RBFOX1: variants seen among roughly 807,000 people sequenced by gnomAD.
RBFOX1 encodes the protein RNA binding fox-1 homolog 1, also known as RNA binding protein fox-1 homolog 1.
A neutral mutation model predicts 57.7 loss-of-function variants in RBFOX1; 8 were observed. The observed-to-expected ratio is 0.14, with a 90% confidence interval of 0.08 to 0.25. The LOEUF (loss-of-function observed/expected upper bound fraction) is 0.25. Among genes scored for constraint, RBFOX1 ranks in the 10% least tolerant of loss-of-function variants. The pLI is 1.00. For synonymous variants in RBFOX1, 326 were observed against 222.4 expected (o/e 1.47, Z -4.15); for missense variants, 611 against 548.5 (o/e 1.11, Z -1.14).
rs557681641 is a variant in RBFOX1 at position 7,432,070 on chromosome 16, G to C, written c.28-86077G>C. On this transcript the variant is annotated intron_variant, in intron 4 of 15. Coordinates refer to ENST00000550418, the MANE Select transcript of RBFOX1 (RefSeq NM_018723.4). ...CAGTGGGAAGGAGGGTGTCACTTCA[G>C]CAGTGGGGGCAGATGGGTCTTCAGA... Among the ~76,000 whole-genome samples, 3 of 152,324 alleles carry C rather than the reference G, an allele frequency of 2.0e-5. No homozygotes were observed. The South Asian group carries it at 6.2e-4, about 32-fold the overall frequency.
intron 3 of RBFOX1, among the ~76,000 whole-genome samples, chr16:5,620,960 C>G (rs556036251): frequency 3.3e-5 from 5 of 152,276 alleles, no homozygotes; most frequent in African/African-American, 1.2e-4. Context: ...CCTGCCTCAG[C>G]CTCCCAAGTA....
At chr16:7,163,434 G>A (rs1276216456) in intron 4 of RBFOX1, among the ~76,000 whole-genome samples, 5 of 152,030 alleles carry the variant, frequency 3.3e-5, no homozygotes, top group Admixed American at 6.5e-5. Context: ...GTCTGGTGAC[G>A]TTTTGCTTTG....
At chr16:6,021,458 G>C (rs534716920) in intron 1 of RBFOX1, among the ~76,000 whole-genome samples, 6 of 152,178 alleles carry the variant, frequency 3.9e-5, no homozygotes, top group African/African-American at 9.7e-5. Context: ...GATCTTTTAT[G>C]TTCAGAAGCA....
At chr16:6,577,146 A>G (rs1263465916) in intron 2 of RBFOX1, 3 of 152,162 alleles carry the variant, frequency 2.0e-5, no homozygotes, top group Admixed American at 6.5e-5. Flanking sequence ...CGGAGTTGTC[A>G]TCTTCTACCT....
chr16:6,557,920 T>C (rs569861068), intron 2 of RBFOX1, among the ~76,000 whole-genome samples: 26 of 152,314 alleles, frequency 1.7e-4, no homozygotes, highest in African/African-American at 2.4e-4. Flanking sequence ...AGCGATATAC[T>C]GCTTATGGCA....
intron 11 of RBFOX1, among the ~76,000 whole-genome samples, chr16:7,647,393 G>T (rs1212303245): frequency 6.6e-6 from 1 of 152,126 alleles, no homozygotes; most frequent in Non-Finnish European, 1.5e-5. Flanking sequence ...GCTTCAGAAG[G>T]AATCTCTTCA....
chr16:7,522,608 G>A (rs1052078322), intron 5 of RBFOX1, among the ~76,000 whole-genome samples: 3 of 152,182 alleles, frequency 2.0e-5, no homozygotes, highest in Non-Finnish European at 4.4e-5. Context: ...GATTGCATCT[G>A]AGAAGCAAAG....
intron 3 of RBFOX1, among the ~76,000 whole-genome samples, chr16:7,009,186 C>G (rs1680111999): frequency 1.7e-5 from 2 of 116,432 alleles, no homozygotes; most frequent in Middle Eastern, 3.8e-3. Flanking sequence ...TGCTCTTTCT[C>G]TTTCTCTCTT....
intron 4 of RBFOX1, among the ~76,000 whole-genome samples, chr16:7,059,337 T>C (rs1341927476): frequency 6.6e-6 from 1 of 152,214 alleles, no homozygotes; most frequent in East Asian, 1.9e-4. Context: ...TTCCTGACTA[T>C]AATTTTAGGA....
intron 4 of RBFOX1, among the ~76,000 whole-genome samples, chr16:5,984,474 A>T (rs1244837023): frequency 6.6e-6 from 1 of 152,020 alleles, no homozygotes; most frequent in East Asian, 1.9e-4. Context: ...TATCCCAGTG[A>T]ACTGTCAAGT....
intron 3 of RBFOX1, among the ~76,000 whole-genome samples, chr16:5,834,783 TAGATA>T (rs2056406104): frequency 9.1e-6 from 1 of 110,010 alleles, no homozygotes; most frequent in Non-Finnish European, 1.8e-5. Context: ...AGATGATAGA[TAGATA>T]GATAGATAGA....
intron 3 of RBFOX1, among the ~76,000 whole-genome samples, chr16:5,835,229 G>C (rs1180930159): frequency 2.0e-5 from 3 of 152,314 alleles, no homozygotes; most frequent in Middle Eastern, 3.4e-3. Flanking sequence ...AGTGAGCACA[G>C]AGCAATGAGC....
At chr16:6,748,876 TTGTC>T (rs1182766840) in intron 3 of RBFOX1, 2 of 152,280 alleles carry the variant, frequency 1.3e-5, no homozygotes, top group East Asian at 3.9e-4. Context: ...GATAAGGTCT[TTGTC>T]TAAGGAAGAA....
intron 3 of RBFOX1, among the ~76,000 whole-genome samples, chr16:6,804,403 TG>T (rs1358005979): frequency 6.6e-6 from 1 of 152,162 alleles, no homozygotes; most frequent in African/African-American, 2.4e-5. Context: ...CATCTAGCCC[TG>T]CAGTATTTCA....
At chr16:7,211,631 G>A (rs1463746507) in intron 4 of RBFOX1, among the ~76,000 whole-genome samples, 1 of 152,112 alleles carries the variant, frequency 6.6e-6, no homozygotes, top group African/African-American at 2.4e-5. Flanking sequence ...GTAAGCAAGG[G>A]TAATGTATTG....
chr16:7,484,211 T>C (rs959881597), intron 4 of RBFOX1, among the ~76,000 whole-genome samples: 3 of 152,222 alleles, frequency 2.0e-5, no homozygotes, highest in African/African-American at 7.2e-5. Context: ...GGTAGGAATA[T>C]ACCAAGATGT....
At chr16:6,954,706 G>C (rs1334186992) in intron 3 of RBFOX1, among the ~76,000 whole-genome samples, 2 of 152,080 alleles carry the variant, frequency 1.3e-5, no homozygotes, top group African/African-American at 4.8e-5. Context: ...AGGTGCCCAA[G>C]TCTAGCCATA....
intron 4 of RBFOX1, among the ~76,000 whole-genome samples, chr16:7,299,364 C>G (rs1373782307): frequency 1.3e-5 from 2 of 152,164 alleles, no homozygotes; most frequent in East Asian, 1.9e-4. Flanking sequence ...ATTGCCTGCG[C>G]TTGTATTTCT....
At chr16:6,052,843 G>A (rs990819086) in intron 1 of RBFOX1, among the ~76,000 whole-genome samples, 1 of 105,462 alleles carries the variant, frequency 9.5e-6, no homozygotes, top group African/African-American at 4.4e-5. Flanking sequence ...TAATATTAAT[G>A]CCTATGGCCT....
Sources: allele counts gnomAD v4.1 joint callset (sites outside exome capture counted in the v4.1 genomes callset), GRCh38; gene constraint gnomAD v4.1.1; transcripts MANE v1.5; gene names NCBI Gene and HGNC (gene_info 2026-07-23, HGNC 2026-07-21).